The following SLCO5A1 variants were observed in gnomAD, a reference collection of about 807,000 sequenced individuals.
SLCO5A1 encodes solute carrier organic anion transporter family member 5A1.
Under a neutral mutation model 65.1 loss-of-function variants are expected in SLCO5A1, and 39 were observed. That is an observed-to-expected ratio of 0.60 (90% confidence interval 0.46 to 0.78). The LOEUF (loss-of-function observed/expected upper bound fraction) is 0.78. SLCO5A1 is among the 30% of genes least tolerant of loss of function. The pLI is 0.00. For missense variants in SLCO5A1, 1,029 were observed against 1,069.4 expected (o/e 0.96, Z 0.53); for synonymous variants, 438 against 415.7 (o/e 1.05, Z -0.65).
intron 2 of SLCO5A1, among the ~76,000 whole-genome samples, chr8:69,798,590 G>C (rs1414558599): frequency 6.6e-6 from 1 of 152,146 alleles, no homozygotes; most frequent in African/African-American, 2.4e-5. Flanking sequence ...AGAGTGGATG[G>C]TGTTAAACCA....
At chr8:69,729,675 T>C (rs147867963) in intron 5 of SLCO5A1, among the ~76,000 whole-genome samples, 112 of 152,058 alleles carry the variant, frequency 7.4e-4, no homozygotes, top group African/African-American at 2.3e-3. Context: ...GCGAACTGAT[T>C]TGGAATAATT....
At chr8:69,746,888 C>T (rs1362671498) in intron 4 of SLCO5A1, among the ~76,000 whole-genome samples, 1 of 152,174 alleles carries the variant, frequency 6.6e-6, no homozygotes, top group African/African-American at 2.4e-5. Context: ...TGCGAGCATA[C>T]CTTTCATAAG....
chr8:69,772,673 G>T (rs745680773), intron 2 of SLCO5A1, among the ~76,000 whole-genome samples: 3 of 148,962 alleles, frequency 2.0e-5, no homozygotes, highest in Non-Finnish European at 4.5e-5. Flanking sequence ...TGATTCTGGA[G>T]CTCCTAACCG....
At chr8:69,696,674 G>A (rs770407679) in intron 6 of SLCO5A1, among the ~76,000 whole-genome samples, 2 of 152,164 alleles carry the variant, frequency 1.3e-5, no homozygotes, top group East Asian at 1.9e-4. Context: ...GAAAAGACAC[G>A]ATCTGAGATA....
chr8:69,727,058 G>T (rs186445017), intron 5 of SLCO5A1, among the ~76,000 whole-genome samples: 255 of 152,318 alleles, frequency 1.7e-3, no homozygotes, highest in Middle Eastern at 3.4e-3. Context: ...TACCCATAGA[G>T]GTTAATGAGT....
chr8:69,721,772 C>T (rs1016649193), intron 5 of SLCO5A1, among the ~76,000 whole-genome samples: 2 of 152,142 alleles, frequency 1.3e-5, no homozygotes, highest in Non-Finnish European at 2.9e-5. Context: ...TAATTTTCCA[C>T]CTAAAACAGC....
intron 4 of SLCO5A1, 118 bp from the exon 5 acceptor site, chr8:69,738,322 G>A (rs1486052128): frequency 1.3e-5 from 11 of 876,262 alleles, no homozygotes; most frequent in Non-Finnish European, 1.8e-5. Flanking sequence ...TGCCACCAAG[G>A]AATAAAAATA....
At chr8:69,769,416 A>G (rs1168069784) in intron 2 of SLCO5A1, among the ~76,000 whole-genome samples, 1 of 152,194 alleles carries the variant, frequency 6.6e-6, no homozygotes, top group Non-Finnish European at 1.5e-5. Context: ...GAAGCACTGA[A>G]GTGAACATCC....
intron 2 of SLCO5A1, among the ~76,000 whole-genome samples, chr8:69,808,734 G>A (rs1820111513): frequency 6.6e-6 from 1 of 152,164 alleles, no homozygotes; most frequent in Non-Finnish European, 1.5e-5. Flanking sequence ...AGTCTTTAAA[G>A]AATCGCCATG....
intron 5 of SLCO5A1, among the ~76,000 whole-genome samples, chr8:69,710,898 T>C (rs1815212132): frequency 6.6e-6 from 1 of 152,108 alleles, no homozygotes; most frequent in Non-Finnish European, 1.5e-5. Context: ...TACGCGAATA[T>C]GGACATTGCT....
chr8:69,806,863 C>G (rs1820014649), intron 2 of SLCO5A1, among the ~76,000 whole-genome samples: 2 of 152,312 alleles, frequency 1.3e-5, no homozygotes, highest in South Asian at 4.1e-4. Flanking sequence ...AAACAATAAA[C>G]ATGATGTAGA....
intron 5 of SLCO5A1, among the ~76,000 whole-genome samples, chr8:69,722,442 A>C (rs1361852409): frequency 6.6e-6 from 1 of 152,240 alleles, no homozygotes; most frequent in Non-Finnish European, 1.5e-5. Context: ...GGAGTACTTC[A>C]AGTCTTGAAG....
At chr8:69,783,966 C>T (rs1818908173) in intron 2 of SLCO5A1, among the ~76,000 whole-genome samples, 1 of 152,080 alleles carries the variant, frequency 6.6e-6, no homozygotes. Context: ...TGGTGGGACT[C>T]TTCATAATGG....
At chr8:69,741,229 C>T (rs181084812) in intron 4 of SLCO5A1, among the ~76,000 whole-genome samples, 27 of 152,240 alleles carry the variant, frequency 1.8e-4, no homozygotes, top group Admixed American at 1.0e-3. Context: ...ATGTGCCTTA[C>T]GGAGAAAATA....
intron 2 of SLCO5A1, among the ~76,000 whole-genome samples, chr8:69,773,462 G>A (rs929174594): frequency 5.3e-5 from 8 of 152,114 alleles, no homozygotes; most frequent in African/African-American, 1.9e-4. Context: ...CTCTGCTTTT[G>A]CACCAGTCAT....
chr8:69,715,980 C>T (rs1292170596), intron 5 of SLCO5A1, among the ~76,000 whole-genome samples: 1 of 152,160 alleles, frequency 6.6e-6, no homozygotes, highest in African/African-American at 2.4e-5. Flanking sequence ...ACACCCAGCC[C>T]TCCCTTGCCC....
intron 2 of SLCO5A1, among the ~76,000 whole-genome samples, chr8:69,826,075 A>G (rs1820896892): frequency 6.6e-6 from 1 of 152,256 alleles, no homozygotes; most frequent in Non-Finnish European, 1.5e-5. Flanking sequence ...CTGGCTAGCC[A>G]TATGCAGAAA....
intron 3 of SLCO5A1, among the ~76,000 whole-genome samples, chr8:69,755,911 A>G (rs958420207): frequency 9.9e-5 from 15 of 152,212 alleles, no homozygotes; most frequent in African/African-American, 3.6e-4. Flanking sequence ...ATTTTTGAGC[A>G]CCAATGAGTT....
Position 69,726,187 on chromosome 8 carries a change from T to C in SLCO5A1, c.1423+11853A>G, listed in dbSNP as rs117968553. ...AAAAACATTTTAGTTAATTGAAAGA[T>C]TTAGTCAACAGACATTTTCCTGCAC... On this transcript the variant is annotated intron_variant, in intron 5 of 9. Coordinates refer to ENST00000260126, the MANE Select transcript of SLCO5A1 (RefSeq NM_030958.3). Among the ~76,000 whole-genome samples, 1,264 of 152,346 alleles carry C rather than the reference T, an allele frequency of 8.3e-3. 6 individuals are homozygous for C. The highest frequency in any genetic ancestry group is 0.013 in the Non-Finnish European group (897 of 68,032).
Sources: allele counts gnomAD v4.1 joint callset (sites outside exome capture counted in the v4.1 genomes callset), GRCh38; gene constraint gnomAD v4.1.1; transcripts MANE v1.5; gene names NCBI Gene and HGNC (gene_info 2026-07-23, HGNC 2026-07-21).